TMLHE: variants seen among roughly 807,000 people sequenced by gnomAD.
The protein encoded by TMLHE is trimethyllysine dioxygenase, mitochondrial.
TMLHE carries 18 observed loss-of-function variants against 25.7 expected under a neutral mutation model. That is an observed-to-expected ratio of 0.70 (90% confidence interval 0.48 to 1.04). The LOEUF is 1.04. TMLHE is among the 50% of genes least tolerant of loss of function. The pLI is 0.00. For synonymous variants in TMLHE, 105 were observed against 97.0 expected, an observed-to-expected ratio of 1.08 and a Z score of -0.49; for missense variants, 236 against 259.0, an observed-to-expected ratio of 0.91 and a Z score of 0.61.
intron 1 of TMLHE, among the ~76,000 whole-genome samples, chrX:155,548,086 A>G (rs2067366901): frequency 8.9e-6 from 1 of 111,892 alleles, no homozygotes; most frequent in Admixed American, 9.5e-5. Flanking sequence ...CATATACAAA[A>G]AATACAATCT....
At chrX:155,581,470 CAA>C (rs1484801823) in intron 1 of TMLHE, among the ~76,000 whole-genome samples, 1 of 111,997 alleles carries the variant, frequency 8.9e-6, no homozygotes, top group Non-Finnish European at 1.9e-5. Flanking sequence ...GCAACTTCAG[CAA>C]AGTCTCAGGA....
At chrX:155,554,946 T>C (rs1188446542) in intron 1 of TMLHE, among the ~76,000 whole-genome samples, 5 of 108,502 alleles carry the variant, frequency 4.6e-5, no homozygotes, top group African/African-American at 1.7e-4. Flanking sequence ...GTTTGATACA[T>C]AGGTATACAT....
chrX:155,598,840 T>C (rs782446818), intron 1 of TMLHE, among the ~76,000 whole-genome samples: 1 of 111,133 alleles, frequency 9.0e-6, no homozygotes, highest in East Asian at 2.8e-4. Context: ...GGTGGAATAA[T>C]TGGTACCATA....
At chrX:155,548,881 G>C (rs1264680928) in intron 1 of TMLHE, among the ~76,000 whole-genome samples, 3 of 110,813 alleles carry the variant, frequency 2.7e-5, no homozygotes, top group Admixed American at 9.5e-5. Flanking sequence ...TTAATGATTA[G>C]GGAATTGTAA....
chrX:155,608,217 A>C (rs1472145331), intron 1 of TMLHE, among the ~76,000 whole-genome samples: 1 of 111,730 alleles, frequency 9.0e-6, no homozygotes, highest in Admixed American at 9.5e-5. Flanking sequence ...CATATAGACC[A>C]ATGGAACAAA....
intron 3 of TMLHE, among the ~76,000 whole-genome samples, chrX:155,521,816 C>A (rs369832068): frequency 6.8e-5 from 5 of 73,949 alleles, no homozygotes; most frequent in African/African-American, 2.7e-4. Flanking sequence ...TTCTTTGACT[C>A]GGAAAGGGAA....
At chrX:155,552,955 G>T (rs940346572) in intron 1 of TMLHE, among the ~76,000 whole-genome samples, 2 of 110,035 alleles carry the variant, frequency 1.8e-5, no homozygotes, top group African/African-American at 6.6e-5. Flanking sequence ...ATTTTACATT[G>T]CAATTTTTAA....
rs1431615984 is a variant in TMLHE, at chrX:155,584,341, T to C, written c.-2+28451A>G. Among the ~76,000 whole-genome samples, 11 of 110,739 alleles carry C rather than the reference T, an allele frequency of 9.9e-5. No homozygotes were observed. In the East Asian group the frequency reaches 2.8e-3, roughly 28 times the overall value. ...ATAAATAAAAAAGAATTAAATAGAA[T>C]GAGCAAAACCTTCATGACATTTGGG... On this transcript the variant is annotated intron_variant, in intron 1 of 7. Transcript: ENST00000334398.
At chrX:155,595,019 G>A (rs1386175933) in intron 1 of TMLHE, among the ~76,000 whole-genome samples, 2 of 111,429 alleles carry the variant, frequency 1.8e-5, no homozygotes, top group Non-Finnish European at 3.8e-5. Context: ...GGTATGTCAC[G>A]AATGCATAAA....
At chrX:155,607,694 C>A (rs1191005590) in intron 1 of TMLHE, among the ~76,000 whole-genome samples, 1 of 111,852 alleles carries the variant, frequency 8.9e-6, no homozygotes, top group Admixed American at 9.5e-5. Flanking sequence ...TAGATCATAT[C>A]AACAACTTCA....
chrX:155,574,866 A>C (rs782713148), intron 1 of TMLHE, among the ~76,000 whole-genome samples: 4 of 112,102 alleles, frequency 3.6e-5, no homozygotes, highest in Non-Finnish European at 7.5e-5. Flanking sequence ...AGAAGAAGGA[A>C]TCAACAAGCT....
chrX:155,545,928 C>T (rs903415141), intron 1 of TMLHE, among the ~76,000 whole-genome samples: 7 of 110,461 alleles, frequency 6.3e-5, no homozygotes, highest in South Asian at 7.6e-4. Flanking sequence ...GTATCCCTGT[C>T]GTTATCCTGT....
At chrX:155,575,275 C>T in intron 1 of TMLHE, among the ~76,000 whole-genome samples, 1 of 111,870 alleles carries the variant, frequency 8.9e-6, no homozygotes, top group Non-Finnish European at 1.9e-5. Context: ...AATTTGATTA[C>T]CTCTGTAAAG....
intron 2 of TMLHE, among the ~76,000 whole-genome samples, chrX:155,532,909 T>C (rs1349960511): frequency 1.8e-5 from 2 of 111,274 alleles, no homozygotes; most frequent in Non-Finnish European, 3.8e-5. Flanking sequence ...AAATGGTTTT[T>C]ACACTTTTAA....
intron 2 of TMLHE, among the ~76,000 whole-genome samples, chrX:155,536,944 C>A (rs1424993041): frequency 1.8e-5 from 2 of 111,728 alleles, no homozygotes; most frequent in Non-Finnish European, 3.8e-5. Context: ...AATTTTAATA[C>A]AGAAAAGAAA....
intron 1 of TMLHE, among the ~76,000 whole-genome samples, chrX:155,584,181 AT>A: frequency 9.0e-6 from 1 of 110,545 alleles, no homozygotes; most frequent in East Asian, 2.8e-4. Context: ...CCCAACAAAA[AT>A]TCTGAAACTG....
rs141392122 is a variant in TMLHE at position 155,554,077 on chromosome X, G to A, written c.-1-8800C>T. Among the ~76,000 whole-genome samples, 17 of 109,322 alleles carry A rather than the reference G, an allele frequency of 1.6e-4. No homozygotes were observed. The East Asian group carries it at 4.8e-3, about 31-fold the overall frequency. 94.9% of individuals were successfully genotyped at this position (109,322 alleles called of 115,157 possible). A position where few individuals can be genotyped will look rare whatever the true frequency, so the allele number is the denominator to read the frequency against. ...GCTGGAGTGCAGTGGCATGATCATG[G>A]CAAACTGCAGCTTCAAACTCCTGGG... On this transcript the variant is annotated intron_variant, in intron 1 of 7. Transcript: ENST00000334398.
rs1311169666 is a variant in TMLHE at position 155,570,884 on chromosome X, A to G, written c.-1-25607T>C. Among the ~76,000 whole-genome samples, 9 of 57,709 alleles carry G rather than the reference A, an allele frequency of 1.6e-4. 3 individuals are homozygous for G. The highest frequency in any genetic ancestry group is 4.0e-4 in the Admixed American group (2 of 4,967). 50.1% of individuals were successfully genotyped at this position (57,709 alleles called of 115,157 possible). A position where few individuals can be genotyped will look rare whatever the true frequency, so the allele number is the denominator to read the frequency against. ...TAAATACCCACAAGAGAAGCAGGAA[A>G]GATCCAAAATTGACACCCTAACATC... On this transcript the variant is annotated intron_variant, in intron 1 of 7. Coordinates refer to ENST00000334398, the MANE Select transcript of TMLHE (RefSeq NM_018196.4).
intron 4 of TMLHE, among the ~76,000 whole-genome samples, chrX:155,512,256 C>T (rs77725559): frequency 0.017 from 1,772 of 106,664 alleles, 52 homozygotes; most frequent in African/African-American, 0.051. Context: ...CATGCTGGTG[C>T]GCTGCACCCA....
Sources: allele counts gnomAD v4.1 joint callset (sites outside exome capture counted in the v4.1 genomes callset), GRCh38; gene constraint gnomAD v4.1.1; transcripts MANE v1.5; gene names NCBI Gene and HGNC (gene_info 2026-07-23, HGNC 2026-07-21).